The following GAK variants were observed in gnomAD, a reference collection of about 807,000 sequenced individuals.
The protein encoded by GAK is cyclin-G-associated kinase.
Under a neutral mutation model 143.9 loss-of-function variants are expected in GAK, and 79 were observed. The ratio of observed to expected loss-of-function variants is 0.55; its 90% CI spans 0.46 to 0.66. GAK has a LOEUF of 0.66. Ranked by LOEUF, GAK falls within the 30% of genes least tolerant of loss-of-function variation. The pLI is 0.00. For synonymous variants in GAK, 881 were observed against 765.5 expected, an observed-to-expected ratio of 1.15 and a Z score of -2.49; for missense variants, 1,693 against 1,779.7, an observed-to-expected ratio of 0.95 and a Z score of 0.88.
At chr4:865,670 A>G (rs563394453) in intron 22 of GAK, among the ~76,000 whole-genome samples, 2 of 152,334 alleles carry the variant, frequency 1.3e-5, no homozygotes, top group Non-Finnish European at 2.9e-5. Context: ...CTGGCCACGC[A>G]GCACACCTCT....
At chr4:914,449 A>G (rs1474139376) in intron 1 of GAK, among the ~76,000 whole-genome samples, 5 of 51,006 alleles carry the variant, frequency 9.8e-5, no homozygotes, top group Admixed American at 2.9e-4. Context: ...CGGCCCCCAC[A>G]CACACAGCCC....
rs570848327 is a variant in GAK at position 874,155 on chromosome 4, G to A, written c.2054+2375C>T. On this transcript the variant is annotated intron_variant, in intron 18 of 27. Coordinates refer to ENST00000314167, the MANE Select transcript of GAK (RefSeq NM_005255.4). ...TGTGTGCGCGCTGGTGCTTGTGTGT[G>A]TGTACATGCACACGTGTGTTGGTGC... Among the ~76,000 whole-genome samples, 302 of 151,988 alleles carry A rather than the reference G, an allele frequency of 2.0e-3. 11 individuals are homozygous for A. The South Asian group carries it at 0.059, about 30-fold the overall frequency.
intron 2 of GAK, among the ~76,000 whole-genome samples, chr4:913,183 A>C (rs1722342461): frequency 6.6e-6 from 1 of 152,248 alleles, no homozygotes; most frequent in African/African-American, 2.4e-5. Flanking sequence ...GGTGACAGCA[A>C]ATGGGGCCTT....
At chr4:880,594 C>T (rs1336083800) in intron 15 of GAK, among the ~76,000 whole-genome samples, 1 of 152,188 alleles carries the variant, frequency 6.6e-6, no homozygotes, top group Non-Finnish European at 1.5e-5. Flanking sequence ...GCTTCACTCG[C>T]CCACTGAGAC....
At chr4:909,317 G>A (rs1304598141) in intron 4 of GAK, among the ~76,000 whole-genome samples, 5 of 152,382 alleles carry the variant, frequency 3.3e-5, no homozygotes, top group South Asian at 2.1e-4. Context: ...GAAGCGCAGC[G>A]CAGGAGCGGG....
At chr4:875,048 G>A (rs527901484) in intron 18 of GAK, among the ~76,000 whole-genome samples, 3 of 152,100 alleles carry the variant, frequency 2.0e-5, no homozygotes, top group Non-Finnish European at 4.4e-5. Context: ...CCAGATCTCT[G>A]GTGAAATTCC....
chr4:890,913 C>T (rs1305324060), intron 9 of GAK, among the ~76,000 whole-genome samples: 7 of 151,960 alleles, frequency 4.6e-5, no homozygotes, highest in African/African-American at 1.7e-4. Flanking sequence ...GTTCCTTTTC[C>T]TTTTCTCTCT....
intron 18 of GAK, 119 bp downstream of exon 18, chr4:876,411 C>T: frequency 1.2e-6 from 1 of 834,522 alleles, no homozygotes; most frequent in Non-Finnish European, 2.0e-6. Flanking sequence ...CCCAGAGCCA[C>T]CAAGCAGCAG....
chr4:904,550 G>A lies in GAK; in HGVS notation c.525+87C>T, dbSNP rs1720707920. 21 of 1,348,540 alleles carry A rather than the reference G, an allele frequency of 1.6e-5. No individual in the cohort carries two copies. In the East Asian group the frequency reaches 5.3e-4, roughly 34 times the overall value. 83.5% of individuals were successfully genotyped at this position (1,348,540 alleles called of 1,614,324 possible). On this transcript the variant is annotated intron_variant, in intron 5 of 27. Coordinates refer to ENST00000314167, the MANE Select transcript of GAK (RefSeq NM_005255.4). ...CAGAGGCCTCAGCAGCCGCTACCTT[G>A]AGGTCCCTGTGGATGATGGGCGGCT... is the stretch of plus-strand genomic sequence containing the variant.
chr4:885,607 G>A (rs1284837061), intron 11 of GAK, among the ~76,000 whole-genome samples: 1 of 152,164 alleles, frequency 6.6e-6, no homozygotes, highest in Non-Finnish European at 1.5e-5. Context: ...GATGCTGACG[G>A]GACAGAAACC....
rs113722219 is a variant in GAK, at chr4:867,224, C to T, written c.2604G>A (p.Pro868=). 1.4e-4 allele frequency: 229 copies of T among 1,612,968 alleles called. No homozygotes were observed. Among genetic ancestry groups the T allele is most frequent in the African/African-American group, 8.8e-4 (66 of 75,040 alleles). The change falls in exon 21 of 28, where the codon CCG becomes CCA. Residue 868 remains proline, a synonymous_variant. Transcript: ENST00000314167. Reference sequence around the variant, plus strand: ...GTGGCACAGGCTCTGGCAGCACAGCCGGTGTCTCCACCTCAAAAACCAAGT... The same window carrying T: ...GTGGCACAGGCTCTGGCAGCACAGCTGGTGTCTCCACCTCAAAAACCAAGT... ...QQDLVFEVET[P]AVLPEPVPQE... is the part of the protein sequence containing the mutation.
chr4:901,445 G>C (rs942043592), intron 5 of GAK, among the ~76,000 whole-genome samples: 2 of 152,232 alleles, frequency 1.3e-5, no homozygotes, highest in Admixed American at 6.5e-5. Flanking sequence ...AGAGCTGGGG[G>C]GCTCTGAGGC....
chr4:879,914 C>T (rs147528895), intron 15 of GAK, among the ~76,000 whole-genome samples: 2 of 152,340 alleles, frequency 1.3e-5, no homozygotes, highest in Admixed American at 6.5e-5. Context: ...TCAGCCTCAG[C>T]GATGTCGAAG....
At chr4:859,855 C>A in intron 23 of GAK, 133 bp from the exon 24 acceptor site, 1 of 668,364 alleles carries the variant, frequency 1.5e-6, no homozygotes, top group Non-Finnish European at 2.6e-6. Context: ...GCATGGCTTG[C>A]GTGCACGAGA....
At chr4:893,521 C>T (rs773633831) in intron 8 of GAK, 32 bp from the exon 9 acceptor site, 23 of 1,476,202 alleles carry the variant, frequency 1.6e-5, no homozygotes, top group Middle Eastern at 3.5e-4. Context: ...CTCGGCCCCA[C>T]GGTTCCCCAG....
rs939076191 is a variant in GAK, at chr4:868,708, G to GGGCACT, written c.2249-29_2249-24dup. On this transcript the variant is annotated intron_variant, in intron 19 of 27. Coordinates refer to ENST00000314167, the MANE Select transcript of GAK (RefSeq NM_005255.4). ...TCCCTGCAGGAGAGGGAGGGCGTCA[G>GGGCACT]GGCACTGGCACTGGCCAGCAGCCTC... 5 of 1,544,502 alleles carry GGGCACT rather than the reference G, an allele frequency of 3.2e-6. No homozygotes were observed. The African/African-American group carries it at 6.9e-5, about 21-fold the overall frequency.
chr4:893,271 A>C, intron 9 of GAK, 106 bp downstream of exon 9: 1 of 739,810 alleles, frequency 1.4e-6, no homozygotes, highest in Non-Finnish European at 2.1e-6. Flanking sequence ...TCTGCAGGGG[A>C]TCTGGGGCTC....
intron 11 of GAK, chr4:886,133 G>A (rs1445097816): frequency 1.3e-5 from 2 of 152,240 alleles, no homozygotes; most frequent in Non-Finnish European, 2.9e-5. Flanking sequence ...ACGAGGTTAT[G>A]CAGCTTCATC....
At chr4:883,905 G>C in intron 12 of GAK, 132 bp downstream of exon 12, 1 of 895,504 alleles carries the variant, frequency 1.1e-6, no homozygotes, top group Non-Finnish European at 1.7e-6. Flanking sequence ...GGGGCCCCAG[G>C]TCACCCCTGT....
Sources: gnomAD v4.1 joint callset for allele counts (sites outside exome capture counted in the v4.1 genomes callset) on GRCh38, gnomAD v4.1.1 for gene constraint, MANE v1.5 for transcripts, NCBI Gene and HGNC (gene_info 2026-07-23, HGNC 2026-07-21) for gene names.